The following NEK1 variants were observed in gnomAD, a reference collection of about 807,000 sequenced individuals.
The protein encoded by NEK1 is NIMA related kinase 1.
NEK1 carries 137 observed loss-of-function variants against 182.1 expected under a neutral mutation model. The ratio of observed to expected loss-of-function variants is 0.75; its 90% CI spans 0.65 to 0.87. The LOEUF (loss-of-function observed/expected upper bound fraction) is 0.87. Ranked by LOEUF, NEK1 falls within the 40% of genes least tolerant of loss-of-function variation. NEK1 has a pLI of 0.00. For missense variants in NEK1, 1,391 were observed against 1,494.4 expected (o/e 0.93, Z 1.14); for synonymous variants, 513 against 492.2 (o/e 1.04, Z -0.56).
chr4:169,601,838 T>TA lies in NEK1; in HGVS notation c.214+169dup, dbSNP rs796760287. 4.3e-3 allele frequency among the ~76,000 whole-genome samples: 606 copies of TA among 140,326 alleles called. 2 individuals carry two copies. Among genetic ancestry groups the TA allele is most frequent in the African/African-American group, 8.4e-3 (318 of 38,070 alleles). The allele number at this position is 140,326 out of a possible 152,430, so 92.1% of individuals were successfully genotyped here. ...GCCACTGAGCGAGACTGTCTCAATT[T>TA]AAAAAAAAAAAAAAATGCAGGCATG... On this transcript the variant is annotated intron_variant, in intron 4 of 35. Transcript: ENST00000507142.
rs527791678 is a variant in NEK1 at position 169,563,239 on chromosome 4, T to C, written c.1021-1043A>G. ...TAGCCAGGCATGTGGCCCACACCTG[T>C]TGTCCCAGCTACTCAGGAGGCTGAG... On this transcript the variant is annotated intron_variant, in intron 12 of 35. Coordinates refer to ENST00000507142, the MANE Select transcript of NEK1 (RefSeq NM_001199397.3). 1.0e-3 allele frequency among the ~76,000 whole-genome samples: 152 copies of C among 152,024 alleles called. 1 individual carries two copies. The highest frequency in any genetic ancestry group is 3.6e-3 in the African/African-American group (148 of 41,454).
At chr4:169,456,856 C>T (rs1742981017) in intron 27 of NEK1, among the ~76,000 whole-genome samples, 1 of 152,108 alleles carries the variant, frequency 6.6e-6, no homozygotes, top group South Asian at 2.1e-4. Context: ...GGGACATATA[C>T]ACAATGGAGT....
rs574694660 is a variant in NEK1 at position 169,480,479 on chromosome 4, A to C, written c.2008-945T>G. Among the ~76,000 whole-genome samples, 53 of 150,708 alleles carry C rather than the reference A, an allele frequency of 3.5e-4. 1 individual carries two copies. The South Asian group carries it at 8.0e-3, about 23-fold the overall frequency. ...TGCAACAGCATTATGTCTAAAAAAC[A>C]ATGTACACACCTTAATAAACACCTC... On this transcript the variant is annotated intron_variant, in intron 23 of 35. Transcript: ENST00000507142.
chr4:169,557,910 G>GA (rs1409686267), intron 16 of NEK1, among the ~76,000 whole-genome samples: 38 of 152,222 alleles, frequency 2.5e-4, no homozygotes, highest in Non-Finnish European at 7.4e-5. Flanking sequence ...TAGCTTGGGT[G>GA]ACAGAGTGAG....
chr4:169,570,221 G>A (rs1340665131), intron 12 of NEK1, among the ~76,000 whole-genome samples: 6 of 150,284 alleles, frequency 4.0e-5, no homozygotes, highest in Middle Eastern at 3.5e-3. Context: ...CTGCCTGGCC[G>A]CCCCGTCTGA....
intron 18 of NEK1, among the ~76,000 whole-genome samples, chr4:169,543,775 T>G (rs1759880404): frequency 6.6e-6 from 1 of 152,216 alleles, no homozygotes; most frequent in Admixed American, 6.5e-5. Flanking sequence ...ACTCATAATT[T>G]GGCTGTTTGT....
At chr4:169,394,605 AAGG>A (rs1554018931) in intron 35 of NEK1, 82 bp from the exon 36 acceptor site, 11 of 777,054 alleles carry the variant, frequency 1.4e-5, no homozygotes, top group Admixed American at 6.1e-5. Context: ...GTTCATGCTA[AAGG>A]AGAAGAGCTT....
chr4:169,472,175 CA>C (rs368704005), intron 26 of NEK1, among the ~76,000 whole-genome samples: 1 of 149,684 alleles, frequency 6.7e-6, no homozygotes, highest in Admixed American at 6.7e-5. Context: ...ACAAAAAAAA[CA>C]AAAAAAAACA....
chr4:169,490,634 A>G (rs189712691), intron 23 of NEK1, among the ~76,000 whole-genome samples: 219 of 152,202 alleles, frequency 1.4e-3, no homozygotes, highest in Non-Finnish European at 2.3e-3. Flanking sequence ...ATAACACAAA[A>G]AGAACCAAAC....
chr4:169,580,029 C>T (rs1397956132), intron 11 of NEK1, among the ~76,000 whole-genome samples: 1 of 151,950 alleles, frequency 6.6e-6, no homozygotes, highest in Admixed American at 6.6e-5. Flanking sequence ...AATAATTTCC[C>T]TCTCACATAG....
chr4:169,568,911 TG>T (rs748212204), intron 12 of NEK1, among the ~76,000 whole-genome samples: 5 of 137,150 alleles, frequency 3.6e-5, no homozygotes, highest in Non-Finnish European at 6.1e-5. Context: ...CACTCCAGCC[TG>T]GGGGACAAGA....
intron 27 of NEK1, among the ~76,000 whole-genome samples, chr4:169,451,367 A>G (rs1028421404): frequency 6.6e-6 from 1 of 152,218 alleles, no homozygotes; most frequent in Non-Finnish European, 1.5e-5. Context: ...TTATTCTAAA[A>G]TTGACCACAT....
intron 2 of NEK1, 45 bp downstream of exon 2, chr4:169,611,975 T>C (rs1772395672): frequency 6.6e-6 from 1 of 152,218 alleles, no homozygotes; most frequent in Non-Finnish European, 1.5e-5. Flanking sequence ...TCCAGGATGA[T>C]TTTTACCATT....
At chr4:169,454,443 G>A (rs991006556) in intron 27 of NEK1, among the ~76,000 whole-genome samples, 11 of 152,196 alleles carry the variant, frequency 7.2e-5, no homozygotes, top group African/African-American at 2.4e-4. Flanking sequence ...CTGACAAAGG[G>A]CTAATATCCA....
At chr4:169,413,263 G>T in intron 31 of NEK1, among the ~76,000 whole-genome samples, 1 of 151,794 alleles carries the variant, frequency 6.6e-6, no homozygotes, top group South Asian at 2.1e-4. Context: ...GACTTCCTGG[G>T]CTCAAGCGAT....
At chr4:169,500,382 T>C (rs1752209285) in intron 23 of NEK1, among the ~76,000 whole-genome samples, 1 of 152,228 alleles carries the variant, frequency 6.6e-6, no homozygotes, top group Non-Finnish European at 1.5e-5. Context: ...CTTCGGTTCA[T>C]GCTCGGTGCG....
intron 34 of NEK1, 28 bp downstream of exon 34, chr4:169,400,493 T>A (rs1327801754): frequency 1.3e-6 from 2 of 1,580,934 alleles, no homozygotes; most frequent in East Asian, 4.5e-5. Context: ...TAGCACATTT[T>A]AAGTGTTTTA....
chr4:169,569,875 T>C (rs28416398), intron 12 of NEK1, among the ~76,000 whole-genome samples: 43,962 of 152,006 alleles, frequency 0.29, 8,995 homozygotes, highest in African/African-American at 0.59. Flanking sequence ...GCCTTGGCCT[T>C]CCAAAGTGCC....
intron 23 of NEK1, among the ~76,000 whole-genome samples, chr4:169,505,199 G>T (rs1323278410): frequency 6.6e-6 from 1 of 150,824 alleles, no homozygotes; most frequent in African/African-American, 2.4e-5. Flanking sequence ...AAGTTGTAAG[G>T]ATTAAAAAAA....
Sources: allele counts gnomAD v4.1 joint callset (sites outside exome capture counted in the v4.1 genomes callset), GRCh38; gene constraint gnomAD v4.1.1; transcripts MANE v1.5; gene names NCBI Gene and HGNC (gene_info 2026-07-23, HGNC 2026-07-21).